Variants in PIEZO2 observed in about 807,000 individuals in gnomAD.
PIEZO2 encodes the protein piezo type mechanosensitive ion channel component 2.
In PIEZO2, 172 loss-of-function variants were observed where a neutral mutation model predicts 337.3. That is an observed-to-expected ratio of 0.51 (90% CI 0.45 to 0.58). PIEZO2 has a LOEUF of 0.58. PIEZO2 is among the 20% of genes least tolerant of loss of function. The probability of loss-of-function intolerance (pLI) is 0.00; values close to 1 mark genes in which losing one functional copy is unlikely to be tolerated. For synonymous variants in PIEZO2, 1,251 were observed against 1,228.5 expected (o/e 1.02, Z -0.38); for missense variants, 3,028 against 3,391.3 (o/e 0.89, Z 2.66).
chr18:10,720,381 G>A (rs1274230156), intron 36 of PIEZO2, among the ~76,000 whole-genome samples: 2 of 33,154 alleles, frequency 6.0e-5, no homozygotes, highest in South Asian at 1.5e-3. Context: ...GTGTGTGTGT[G>A]TGTGTGTGTG....
At chr18:11,121,856 T>A (rs186067018) in intron 1 of PIEZO2, among the ~76,000 whole-genome samples, 1 of 152,248 alleles carries the variant, frequency 6.6e-6, no homozygotes, top group Admixed American at 6.5e-5. Flanking sequence ...TAAGTTCTCC[T>A]TGTTCTCTGC....
chr18:11,089,676 C>A (rs752605876), intron 1 of PIEZO2, among the ~76,000 whole-genome samples: 1 of 152,270 alleles, frequency 6.6e-6, no homozygotes, highest in South Asian at 2.1e-4. Context: ...GCTGGTAGCA[C>A]AAGATGTTGA....
In PIEZO2 at chr18:10,819,631, C is replaced by A. The variant is rs1598530325; in HGVS notation, c.918-12357G>T. ...ACACAGGTGTTTTCTCAATGTTGTT[C>A]TCAATGCATCATCGGTGTTCACCTT... is the stretch of plus-strand genomic sequence containing the variant. On this transcript the variant is annotated intron_variant, in intron 7 of 55. Coordinates refer to ENST00000674853, the MANE Select transcript of PIEZO2 (RefSeq NM_001378183.1). The surrounding 1 kb of genome is among the most constrained non-coding windows in gnomAD (Gnocchi z 4.3). 6.6e-6 allele frequency among the ~76,000 whole-genome samples: 1 copy of A among 152,186 alleles called. No individual in the cohort carries two copies. Among genetic ancestry groups the A allele is most frequent in the African/African-American group, 2.4e-5 (1 of 41,438 alleles).
chr18:10,932,806 C>T (rs1160892271), intron 3 of PIEZO2, among the ~76,000 whole-genome samples: 1 of 152,036 alleles, frequency 6.6e-6, no homozygotes, highest in Non-Finnish European at 1.5e-5. Context: ...AGCCTGTCAT[C>T]CCAGCCACTC....
intron 12 of PIEZO2, among the ~76,000 whole-genome samples, chr18:10,797,071 A>G (rs1353680923): frequency 7.0e-6 from 1 of 143,818 alleles, no homozygotes; most frequent in East Asian, 2.3e-4. Flanking sequence ...GTCATATCAT[A>G]CATACCATCA....
At chr18:11,106,244 G>A (rs1307401476) in intron 1 of PIEZO2, among the ~76,000 whole-genome samples, 2 of 148,496 alleles carry the variant, frequency 1.3e-5, no homozygotes, top group African/African-American at 2.5e-5. Flanking sequence ...CCACCACCAC[G>A]CCCAGCTAAT....
At chr18:10,780,464 C>T (rs926771874) in intron 17 of PIEZO2, 98 bp from the exon 18 acceptor site, 5 of 684,100 alleles carry the variant, frequency 7.3e-6, no homozygotes, top group African/African-American at 1.8e-5. Context: ...AGTGGACTCC[C>T]TTAAGCTTCC....
intron 51 of PIEZO2, 84 bp from the exon 52 acceptor site, chr18:10,680,455 G>T: frequency 1.6e-6 from 2 of 1,254,652 alleles, no homozygotes; most frequent in Non-Finnish European, 1.1e-6. Flanking sequence ...CTTTTAACTG[G>T]CAGTATGGAA....
chr18:10,874,341 G>A (rs2042216053), intron 4 of PIEZO2, among the ~76,000 whole-genome samples: 1 of 152,128 alleles, frequency 6.6e-6, no homozygotes, highest in Non-Finnish European at 1.5e-5. Flanking sequence ...TGGAGAAAGG[G>A]GAACCCCTGT....
chr18:10,681,806 C>A, intron 50 of PIEZO2, 53 bp from the exon 51 acceptor site: 4 of 1,436,030 alleles, frequency 2.8e-6, no homozygotes, highest in Non-Finnish European at 3.9e-6. Flanking sequence ...TTCTCTGCAT[C>A]CTGAGTCAAA....
intron 2 of PIEZO2, among the ~76,000 whole-genome samples, chr18:11,022,937 T>C (rs1039803808): frequency 6.6e-6 from 1 of 152,154 alleles, no homozygotes; most frequent in African/African-American, 2.4e-5. Flanking sequence ...GTGGTCTCGC[T>C]GGCTCAGGAG....
chr18:10,791,474 C>T, intron 13 of PIEZO2, 150 bp from the exon 14 acceptor site: 1 of 825,842 alleles, frequency 1.2e-6, no homozygotes, highest in Non-Finnish European at 1.7e-6. Flanking sequence ...TGCTTGACTT[C>T]AGCTGAGATT....
At chr18:10,809,459 G>A (rs1353976225) in intron 7 of PIEZO2, among the ~76,000 whole-genome samples, 2 of 151,504 alleles carry the variant, frequency 1.3e-5, no homozygotes, top group Non-Finnish European at 2.9e-5. Flanking sequence ...TAGTAGGGAC[G>A]GGATTTAACC....
At chr18:10,933,539 C>T (rs958117036) in intron 3 of PIEZO2, among the ~76,000 whole-genome samples, 4 of 152,146 alleles carry the variant, frequency 2.6e-5, no homozygotes, top group Admixed American at 1.3e-4. Flanking sequence ...ACACTATGTC[C>T]GATATCCCAT....
chr18:10,721,909 A>G, intron 36 of PIEZO2, among the ~76,000 whole-genome samples: 1 of 152,156 alleles, frequency 6.6e-6, no homozygotes, highest in East Asian at 1.9e-4. Flanking sequence ...TAATCCCAGC[A>G]TTTTGGGAGA....
chr18:10,706,223 A>AG (rs555852491), intron 40 of PIEZO2, among the ~76,000 whole-genome samples: 45 of 152,116 alleles, frequency 3.0e-4, no homozygotes, highest in Admixed American at 7.9e-4. Context: ...CCAGACCATA[A>AG]GGGGGGAATG....
intron 37 of PIEZO2, among the ~76,000 whole-genome samples, chr18:10,717,195 T>C (rs138591772): frequency 1.3e-5 from 2 of 152,340 alleles, no homozygotes; most frequent in East Asian, 3.9e-4. Context: ...GTTAATATAC[T>C]CCAAACTCTC....
intron 7 of PIEZO2, among the ~76,000 whole-genome samples, chr18:10,839,164 ATAG>A (rs1191191529): frequency 1.3e-5 from 2 of 152,234 alleles, no homozygotes; most frequent in Admixed American, 6.5e-5. Flanking sequence ...AACTGAAAAA[ATAG>A]TAAATAGTGA....
Position 10,795,477 on chromosome 18 carries a change from T to G in PIEZO2, c.1528-475A>C, listed in dbSNP as rs1045467520. Among the ~76,000 whole-genome samples, 1 of 151,948 alleles carries G rather than the reference T, an allele frequency of 6.6e-6. No homozygotes were observed. The highest frequency in any genetic ancestry group is 1.5e-5 in the Non-Finnish European group (1 of 67,992). On this transcript the variant is annotated intron_variant, in intron 12 of 55. Coordinates refer to ENST00000674853, the MANE Select transcript of PIEZO2 (RefSeq NM_001378183.1). This position sits in a 1 kb window ranked among gnomAD's most constrained non-coding sequence, Gnocchi z 4.4. ...TTAGAGAGAAAAAAAAATGGTATACTCCTGTGAGCTCAGAATGAGAGATTT... is the reference window on the plus strand; with the variant it reads ...TTAGAGAGAAAAAAAAATGGTATACGCCTGTGAGCTCAGAATGAGAGATTT...
Sources: allele counts gnomAD v4.1 joint callset (sites outside exome capture counted in the v4.1 genomes callset), GRCh38; gene constraint gnomAD v4.1.1; non-coding constraint Gnocchi (gnomAD v3.1); transcripts MANE v1.5; gene names NCBI Gene and HGNC (gene_info 2026-07-23, HGNC 2026-07-21).